Variants in CWF19L2 observed in about 807,000 individuals in gnomAD.
CWF19L2 encodes the protein CWF19-like protein 2.
A neutral mutation model predicts 111.7 loss-of-function variants in CWF19L2; 98 were observed. The ratio of observed to expected loss-of-function variants is 0.88; its 90% CI spans 0.75 to 1.04. The LOEUF (loss-of-function observed/expected upper bound fraction) is 1.04. Ranked by LOEUF, CWF19L2 falls within the 50% of genes least tolerant of loss-of-function variation. CWF19L2 has a pLI of 0.00. For missense variants in CWF19L2, 1,101 were observed against 1,051.4 expected (o/e 1.05, Z -0.65); for synonymous variants, 351 against 342.9 (o/e 1.02, Z -0.26).
At chr11:107,361,809 T>A (rs914985208) in intron 12 of CWF19L2, among the ~76,000 whole-genome samples, 9 of 152,076 alleles carry the variant, frequency 5.9e-5, no homozygotes, top group Non-Finnish European at 1.5e-5. Context: ...CTGGAAGATG[T>A]TGGGGGAGGA....
Position 107,390,099 on chromosome 11 carries a change from T to C in CWF19L2, c.1847A>G (p.Lys616Arg). ...EKMGTAENQN[K>R]LFMRMASKFM... is the part of the protein sequence containing the mutation. ...CTTAGATGCCATTCTCATAAAGAGC[T>C]TGTTTTGATTTTCTGCTGTTCCCAT... is the stretch of plus-strand genomic sequence containing the variant. The change falls in exon 12 of 18, where the codon AAG becomes AGG. Residue 616 changes from lysine to arginine, a missense_variant. Coordinates refer to ENST00000282251, the MANE Select transcript of CWF19L2 (RefSeq NM_152434.3). 5 of 1,612,808 alleles carry C rather than the reference T, an allele frequency of 3.1e-6. No individual in the cohort carries two copies. Among genetic ancestry groups the C allele is most frequent in the Middle Eastern group, 3.3e-4 (2 of 6,040 alleles).
chr11:107,330,507 G>T (rs1480168661), intron 16 of CWF19L2, among the ~76,000 whole-genome samples: 1 of 151,908 alleles, frequency 6.6e-6, no homozygotes, highest in Non-Finnish European at 1.5e-5. Flanking sequence ...AGCTGGTGAA[G>T]TGGATACAGC....
At chr11:107,449,855 T>C (rs1227541281) in intron 3 of CWF19L2, among the ~76,000 whole-genome samples, 4 of 152,078 alleles carry the variant, frequency 2.6e-5, no homozygotes, top group African/African-American at 9.7e-5. Flanking sequence ...TCCATATCAA[T>C]TATTACATTA....
chr11:107,363,386 T>G (rs1243977754), intron 12 of CWF19L2, among the ~76,000 whole-genome samples: 2 of 151,660 alleles, frequency 1.3e-5, no homozygotes, highest in Non-Finnish European at 2.9e-5. Flanking sequence ...TTCACCAAAG[T>G]TGAAATGAAG....
rs368662392 is a variant in CWF19L2 at position 107,361,415 on chromosome 11, G to GT, written c.1873-7680dup. Among the ~76,000 whole-genome samples the GT allele has an allele frequency of 2.2e-4, 34 of 152,058 alleles. No homozygotes were observed. In the East Asian group the frequency reaches 2.9e-3, roughly 13 times the overall value. On this transcript the variant is annotated intron_variant, in intron 12 of 17. Transcript: ENST00000282251. ...GATGCCTGCAGCTTTGCAGCTTTGG[G>GT]TTTTTTTTATTGTTTTTGCTTAGGA...
rs556040733 is a variant in CWF19L2, at chr11:107,396,384, TA to T, written c.1618-3490del. Among the ~76,000 whole-genome samples the T allele has an allele frequency of 8.1e-4, 124 of 152,336 alleles. 2 individuals carry two copies. The Middle Eastern group carries it at 0.031, about 38-fold the overall frequency. On this transcript the variant is annotated intron_variant, in intron 10 of 17. Coordinates refer to ENST00000282251, the MANE Select transcript of CWF19L2 (RefSeq NM_152434.3). ...AAACTGATAATTTGTTAAAGCATTTTATAAGGACACTTTAATTAACAAATCC... is the reference window on the plus strand; with the variant it reads ...AAACTGATAATTTGTTAAAGCATTTTTAAGGACACTTTAATTAACAAATCC...
intron 12 of CWF19L2, among the ~76,000 whole-genome samples, chr11:107,384,894 T>G (rs1860742988): frequency 4.6e-5 from 7 of 152,198 alleles, no homozygotes; most frequent in Admixed American, 4.6e-4. Context: ...CTAATCATTT[T>G]TAACTAATAA....
At chr11:107,437,803 T>C (rs1005417301) in intron 6 of CWF19L2, among the ~76,000 whole-genome samples, 1 of 152,124 alleles carries the variant, frequency 6.6e-6, no homozygotes, top group African/African-American at 2.4e-5. Context: ...CAATTCTAGG[T>C]TTTCCTCAAA....
chr11:107,339,325 T>C (rs1281003683), intron 14 of CWF19L2, among the ~76,000 whole-genome samples: 1 of 152,174 alleles, frequency 6.6e-6, no homozygotes, highest in African/African-American at 2.4e-5. Context: ...GAAATATAAC[T>C]CCATTTCTCT....
At chr11:107,356,402 A>T (rs556551111) in intron 12 of CWF19L2, among the ~76,000 whole-genome samples, 1 of 152,214 alleles carries the variant, frequency 6.6e-6, no homozygotes, top group Non-Finnish European at 1.5e-5. Flanking sequence ...AGAATCAGGT[A>T]AAAAGATTAT....
intron 14 of CWF19L2, among the ~76,000 whole-genome samples, chr11:107,343,402 C>G (rs1490372694): frequency 2.0e-5 from 3 of 151,970 alleles, no homozygotes; most frequent in African/African-American, 7.2e-5. Context: ...GCTCTAACGT[C>G]TACTTTATCT....
chr11:107,361,601 C>A (rs1436035337), intron 12 of CWF19L2, among the ~76,000 whole-genome samples: 1 of 152,186 alleles, frequency 6.6e-6, no homozygotes, highest in Non-Finnish European at 1.5e-5. Flanking sequence ...GTCTTCTGGT[C>A]CATGAGAATG....
At position 107,329,674 on chromosome 11, in the gene CWF19L2, C is replaced by T. The variant is rs191762634; in HGVS notation, c.2541+244G>A. On this transcript the variant is annotated intron_variant, in intron 17 of 17. Coordinates refer to ENST00000282251, the MANE Select transcript of CWF19L2 (RefSeq NM_152434.3). ...ACACAAGCCTGGCTTCCTCCAAAAA[C>T]AACCATTATAGTAATTGTTGACACC... 4.6e-5 allele frequency among the ~76,000 whole-genome samples: 7 copies of T among 152,266 alleles called. No homozygotes were observed. In the East Asian group the frequency reaches 1.3e-3, roughly 29 times the overall value.
chr11:107,332,940 T>C (rs1262754584), intron 16 of CWF19L2, among the ~76,000 whole-genome samples: 2 of 151,978 alleles, frequency 1.3e-5, no homozygotes, highest in East Asian at 1.9e-4. Context: ...ACCAACATGG[T>C]GAAACCCTGT....
chr11:107,347,928 G>C (rs892573634), intron 14 of CWF19L2, among the ~76,000 whole-genome samples: 1 of 151,944 alleles, frequency 6.6e-6, no homozygotes, highest in African/African-American at 2.4e-5. Context: ...ATTTTTAAAA[G>C]GCTTCCTGGA....
chr11:107,438,326 C>T (rs140050639), intron 6 of CWF19L2, among the ~76,000 whole-genome samples: 2,495 of 152,178 alleles, frequency 0.016, 37 homozygotes, highest in Non-Finnish European at 0.026. Context: ...AGTATGCTTA[C>T]GTGACATTTA....
chr11:107,342,433 G>A (rs1447106145), intron 14 of CWF19L2, among the ~76,000 whole-genome samples: 4 of 151,934 alleles, frequency 2.6e-5, no homozygotes, highest in African/African-American at 4.8e-5. Flanking sequence ...CTATTGAAGT[G>A]TATTATTTAA....
At chr11:107,426,174 AAAC>A (rs148549071) in intron 8 of CWF19L2, among the ~76,000 whole-genome samples, 26,984 of 151,666 alleles carry the variant, frequency 0.18, 2,541 homozygotes, top group Middle Eastern at 0.27. Flanking sequence ...TCTCACAAAC[AAAC>A]AATAGCTCAA....
intron 12 of CWF19L2, among the ~76,000 whole-genome samples, chr11:107,381,532 T>C (rs994292340): frequency 1.3e-5 from 2 of 152,190 alleles, no homozygotes; most frequent in African/African-American, 4.8e-5. Flanking sequence ...CACAGGAACA[T>C]ATAAATGATT....
Sources: gnomAD v4.1 joint callset for allele counts (sites outside exome capture counted in the v4.1 genomes callset) on GRCh38, gnomAD v4.1.1 for gene constraint, MANE v1.5 for transcripts, NCBI Gene and HGNC (gene_info 2026-07-23, HGNC 2026-07-21) for gene names.